MTRR: variants seen among roughly 807,000 people sequenced by gnomAD.
MTRR encodes methionine synthase reductase.
Under a neutral mutation model 79.2 loss-of-function variants are expected in MTRR, and 63 were observed. The observed-to-expected ratio is 0.80, with a 90% confidence interval of 0.65 to 0.98. The LOEUF (loss-of-function observed/expected upper bound fraction) is 0.98, where lower values mean the gene tolerates loss of function less well. Among genes scored for constraint, MTRR ranks in the 50% least tolerant of loss-of-function variants. MTRR has a pLI of 0.00. For missense variants in MTRR, 895 were observed against 839.6 expected (o/e 1.07, Z -0.82); for synonymous variants, 355 against 313.3 (o/e 1.13, Z -1.41).
chr5:7,863,234 C>T (rs1746681419), intron 2 of MTRR: 2 of 452,528 alleles, frequency 4.4e-6, no homozygotes, highest in Non-Finnish European at 7.8e-6. Context: ...TCACTGGTTA[C>T]CATAAACAGA....
At chr5:7,899,533 C>T (rs1375959095) in intron 14 of MTRR, among the ~76,000 whole-genome samples, 1 of 152,168 alleles carries the variant, frequency 6.6e-6, no homozygotes, top group African/African-American at 2.4e-5. Flanking sequence ...ATCTGGTTCC[C>T]TTCAGGAGCA....
chr5:7,899,808 G>T, intron 14 of MTRR, 106 bp from the exon 15 acceptor site: 1 of 1,409,700 alleles, frequency 7.1e-7, no homozygotes, highest in Non-Finnish European at 1.0e-6. Flanking sequence ...GAAGACGGAG[G>T]GAAGAACTAT....
intron 1 of MTRR, chr5:7,869,498 C>T (rs540227193): frequency 4.4e-6 from 2 of 455,992 alleles, no homozygotes; most frequent in African/African-American, 2.1e-5. Context: ...GCCTTTGGTT[C>T]TAGGCGCTTT....
At chr5:7,869,236 G>T in intron 1 of MTRR, 21 bp downstream of exon 1, 6 of 1,602,784 alleles carry the variant, frequency 3.7e-6, no homozygotes, top group Non-Finnish European at 5.1e-6. Flanking sequence ...TGTCGGCTAC[G>T]GTTCCCGGAT....
chr5:7,873,239 T>G, intron 2 of MTRR, 134 bp from the exon 3 acceptor site: 2 of 1,057,994 alleles, frequency 1.9e-6, no homozygotes, highest in Non-Finnish European at 2.9e-6. Context: ...GTCACTGGAC[T>G]GGTCGTCTCA....
chr5:7,853,685 C>T (rs572711386), intron 1 of MTRR, among the ~76,000 whole-genome samples: 4 of 152,240 alleles, frequency 2.6e-5, no homozygotes, highest in Admixed American at 2.6e-4. Flanking sequence ...AAGAATTGCC[C>T]CAGAGGATCA....
In MTRR at chr5:7,895,466, T is replaced by C. The variant is rs556934709; in HGVS notation, c.1558-268T>C. Reference sequence around the variant, plus strand: ...CATAGACCAAGAAACATGATTTGATTATCTATTTAGAGTTCTACCTCAAAG... The same window carrying C: ...CATAGACCAAGAAACATGATTTGATCATCTATTTAGAGTTCTACCTCAAAG... On this transcript the variant is annotated intron_variant, in intron 11 of 14. Coordinates refer to ENST00000440940, the MANE Select transcript of MTRR (RefSeq NM_002454.3). Among the ~76,000 whole-genome samples, 3 of 152,362 alleles carry C rather than the reference T, an allele frequency of 2.0e-5. No homozygotes were observed. The East Asian group carries it at 5.8e-4, about 29-fold the overall frequency.
At chr5:7,853,113 T>C (rs1746123448) in intron 1 of MTRR, among the ~76,000 whole-genome samples, 1 of 152,170 alleles carries the variant, frequency 6.6e-6, no homozygotes, top group Non-Finnish European at 1.5e-5. Context: ...CCCACCTTAA[T>C]CTCATCTTGA....
Position 7,896,620 on chromosome 5 carries a change from A to C in MTRR, c.1677-244A>C, listed in dbSNP as rs934356573. 3.5e-5 allele frequency: 20 copies of C among 565,402 alleles called. No individual in the cohort carries two copies. In the African/African-American group the frequency reaches 3.8e-4, roughly 11 times the overall value. 35.0% of individuals were successfully genotyped at this position (565,402 alleles called of 1,614,324 possible). A position where few individuals can be genotyped will look rare whatever the true frequency, so the allele number is the denominator to read the frequency against. ...CTAGATCTCACAGTGTGATACTTTGAATTGTCCTCATTTTGTGTATGTCGG... is the reference window on the plus strand; with the variant it reads ...CTAGATCTCACAGTGTGATACTTTGCATTGTCCTCATTTTGTGTATGTCGG... On this transcript the variant is annotated intron_variant, in intron 12 of 14. Coordinates refer to ENST00000440940, the MANE Select transcript of MTRR (RefSeq NM_002454.3).
rs13361303 is a variant in MTRR, at chr5:7,892,603, A to C, written c.1371-124A>C. The C allele has an allele frequency of 5.9e-3, 6,229 of 1,054,026 alleles. 265 individuals are homozygous for C. In the African/African-American group the frequency reaches 0.088, roughly 15 times the overall value. 65.3% of individuals were successfully genotyped at this position (1,054,026 alleles called of 1,614,324 possible). ...TACGTAATAATGGCTTTCCTCTGTG[A>C]GGATTTGGAAGGTAGATTAGAGCCT... is the stretch of plus-strand genomic sequence containing the variant. On this transcript the variant is annotated intron_variant, in intron 10 of 14. Transcript: ENST00000440940.
chr5:7,865,812 G>C, upstream of MTRR: 1 of 985,748 alleles, frequency 1.0e-6, no homozygotes, highest in South Asian at 1.7e-5. Flanking sequence ...GCTTTTTCAG[G>C]TTATTGAGAC....
At chr5:7,887,428 GGCC>G (rs1736673461) in intron 8 of MTRR, among the ~76,000 whole-genome samples, 1 of 151,560 alleles carries the variant, frequency 6.6e-6, no homozygotes, top group African/African-American at 2.4e-5. Flanking sequence ...GTTGTAATTA[GGCC>G]GCCATCTCCC....
At chr5:7,881,722 C>T (rs1735634317) in intron 5 of MTRR, among the ~76,000 whole-genome samples, 1 of 152,000 alleles carries the variant, frequency 6.6e-6, no homozygotes, top group South Asian at 2.1e-4. Flanking sequence ...TTACTTAGTT[C>T]TTAATTGGTG....
chr5:7,862,106 G>A (rs1192218471), intron 2 of MTRR: 1 of 153,352 alleles, frequency 6.5e-6, no homozygotes, highest in African/African-American at 2.4e-5. Flanking sequence ...TGCGAGCACG[G>A]AAGGCTTCCG....
At chr5:7,873,598 A>ATACCAG in intron 3 of MTRR, 72 bp downstream of exon 3, 1 of 1,547,878 alleles carries the variant, frequency 6.5e-7, no homozygotes, top group Non-Finnish European at 8.9e-7. Flanking sequence ...TATCTTTCAG[A>ATACCAG]ACTATGAAGT....
At position 7,895,750 on chromosome 5, in the gene MTRR, GAAC is replaced by G; in HGVS notation, c.1580_1582del (p.Thr527del). On this transcript the variant is annotated inframe_deletion, in exon 12 of 15. Coordinates refer to ENST00000440940, the MANE Select transcript of MTRR (RefSeq NM_002454.3). ...ATATTTCAGATATCCATCTCTCCTC[GAAC>G]AACAAATTCTTTCCACTTACCAGAT... The G allele has an allele frequency of 1.2e-6, 2 of 1,613,702 alleles. No individual in the cohort carries two copies. Among genetic ancestry groups the G allele is most frequent in the Non-Finnish European group, 1.7e-6 (2 of 1,179,900 alleles).
upstream of MTRR, chr5:7,867,029 GT>G (rs1366972258): frequency 6.2e-7 from 1 of 1,614,156 alleles, no homozygotes; most frequent in Admixed American, 1.7e-5. Context: ...TAGGGCTTTT[GT>G]AAAAAATGTG....
chr5:7,873,261 A>G (rs140935787), intron 2 of MTRR, 112 bp from the exon 3 acceptor site: 3 of 1,408,048 alleles, frequency 2.1e-6, no homozygotes, highest in South Asian at 2.3e-5. Context: ...AAAAACTGGC[A>G]AGGAAGAAGA....
chr5:7,887,069 T>G (rs1579736976), intron 8 of MTRR, among the ~76,000 whole-genome samples: 2 of 152,320 alleles, frequency 1.3e-5, no homozygotes, highest in South Asian at 4.1e-4. Flanking sequence ...ACATTGCTGC[T>G]CCTTCTTTAA....
Sources: gnomAD v4.1 joint callset for allele counts (sites outside exome capture counted in the v4.1 genomes callset) on GRCh38, gnomAD v4.1.1 for gene constraint, MANE v1.5 for transcripts, NCBI Gene and HGNC (gene_info 2026-07-23, HGNC 2026-07-21) for gene names.